The following SUN3 variants were observed in gnomAD, a reference collection of about 807,000 sequenced individuals.
SUN3 encodes Sad1 and UNC84 domain containing 3.
In SUN3, 36 loss-of-function variants were observed where a neutral mutation model predicts 48.2. That is an observed-to-expected ratio of 0.75 (90% CI 0.57 to 0.99). SUN3 has a LOEUF of 0.99. SUN3 is among the 50% of genes least tolerant of loss of function. SUN3 has a pLI of 0.00. For synonymous variants in SUN3, 148 were observed against 147.9 expected, an observed-to-expected ratio of 1.00 and a Z score of 0.00; for missense variants, 419 against 433.1, an observed-to-expected ratio of 0.97 and a Z score of 0.29.
chr7:48,022,990 C>A (rs1243399342), intron 2 of SUN3, among the ~76,000 whole-genome samples: 1 of 151,928 alleles, frequency 6.6e-6, no homozygotes, highest in Non-Finnish European at 1.5e-5. Flanking sequence ...CTAGACCAGC[C>A]CTTCAGGAAG....
chr7:48,017,246 C>T lies in SUN3; in HGVS notation c.288+16G>A. On this transcript the variant is annotated intron_variant, in intron 3 of 9. Transcript: ENST00000297325. ...TTTAAATGAGTGATATACAAAATTA[C>T]TTAACAAAATATCACCTGATATTTA... is the stretch of plus-strand genomic sequence containing the variant. 7.1e-7 allele frequency: 1 copy of T among 1,417,590 alleles called. No individual in the cohort carries two copies. Among genetic ancestry groups the T allele is most frequent in the Non-Finnish European group, 9.8e-7 (1 of 1,017,728 alleles). 87.8% of individuals were successfully genotyped at this position (1,417,590 alleles called of 1,614,324 possible). A position where few individuals can be genotyped will look rare whatever the true frequency, so the allele number is the denominator to read the frequency against.
At chr7:48,008,938 A>T in intron 4 of SUN3, 97 bp downstream of exon 4, 1 of 1,125,814 alleles carries the variant, frequency 8.9e-7, no homozygotes, top group Non-Finnish European at 1.3e-6. Context: ...GAGTTATTTC[A>T]GGGAGTAACT....
At chr7:47,995,252 G>C (rs554852718) in intron 7 of SUN3, among the ~76,000 whole-genome samples, 10 of 151,280 alleles carry the variant, frequency 6.6e-5, no homozygotes, top group Admixed American at 2.0e-4. Context: ...GGTGGTGGCA[G>C]TGATGGTGGC....
upstream of SUN3, among the ~76,000 whole-genome samples, chr7:48,031,832 GCACACACACACACACA>G (rs3073706): frequency 3.5e-5 from 5 of 142,270 alleles, no homozygotes; most frequent in Admixed American, 2.1e-4. Context: ...TGTGATTTAT[GCACACACACACACACA>G]CACACACACA....
At chr7:48,001,324 T>C (rs1300794984) in intron 6 of SUN3, among the ~76,000 whole-genome samples, 2 of 152,156 alleles carry the variant, frequency 1.3e-5, no homozygotes, top group South Asian at 4.1e-4. Context: ...CACTTATAAG[T>C]GAGAACATGT....
At chr7:47,990,591 C>G (rs1789029916) in intron 8 of SUN3, among the ~76,000 whole-genome samples, 1 of 152,128 alleles carries the variant, frequency 6.6e-6, no homozygotes, top group Non-Finnish European at 1.5e-5. Flanking sequence ...TCTCTCGTTC[C>G]ACCTGACGAG....
At chr7:48,006,538 C>G (rs748812423) in intron 5 of SUN3, among the ~76,000 whole-genome samples, 13 of 151,976 alleles carry the variant, frequency 8.6e-5, no homozygotes, top group Non-Finnish European at 1.5e-4. Context: ...GAAGGCTGCT[C>G]TCATTCTAAA....
chr7:48,022,282 C>T (rs1221191032), intron 2 of SUN3, among the ~76,000 whole-genome samples: 2 of 151,616 alleles, frequency 1.3e-5, no homozygotes, highest in East Asian at 1.9e-4. Context: ...AGGGTAGTGT[C>T]GAAGATGGAG....
At chr7:48,029,181 AG>A (rs1790220103), upstream of SUN3, 1 of 476,958 alleles carries the variant, frequency 2.1e-6, no homozygotes, top group Admixed American at 3.6e-5. Context: ...GGGCATGGAC[AG>A]GCAACCACCT....
chr7:48,015,762 G>A (rs994451162), intron 3 of SUN3, among the ~76,000 whole-genome samples: 2 of 152,150 alleles, frequency 1.3e-5, no homozygotes, highest in African/African-American at 4.8e-5. Context: ...AAGTATGACG[G>A]TGAAAGAGAC....
At chr7:48,011,661 A>G (rs1213350165) in intron 3 of SUN3, among the ~76,000 whole-genome samples, 2 of 152,238 alleles carry the variant, frequency 1.3e-5, no homozygotes, top group African/African-American at 4.8e-5. Flanking sequence ...CTGATAAATG[A>G]ACTTGAGAGT....
chr7:48,035,890 G>A, the SUN3 span, among the ~76,000 whole-genome samples: 1 of 151,646 alleles, frequency 6.6e-6, no homozygotes, highest in African/African-American at 2.4e-5. This position sits in a 1 kb window ranked among gnomAD's most constrained non-coding sequence, Gnocchi z 4.0. Flanking sequence ...CCGGCGTGAC[G>A]TGCCCCCTCT....
intron 2 of SUN3, among the ~76,000 whole-genome samples, chr7:48,024,843 C>T (rs1198040392): frequency 6.6e-6 from 1 of 152,070 alleles, no homozygotes; most frequent in African/African-American, 2.4e-5. Context: ...AAGGATGGAA[C>T]CAAGTGATTC....
At chr7:48,035,260 C>T in the SUN3 span, among the ~76,000 whole-genome samples, 64 of 152,112 alleles carry the variant, frequency 4.2e-4, 2 homozygotes, top group Non-Finnish European at 5.9e-5. This position sits in a 1 kb window ranked among gnomAD's most constrained non-coding sequence, Gnocchi z 4.0. Flanking sequence ...TCCCCACGTC[C>T]CCACGCCCCC....
chr7:47,993,376 A>C (rs1268594831), intron 8 of SUN3, among the ~76,000 whole-genome samples: 2 of 152,232 alleles, frequency 1.3e-5, no homozygotes, highest in Admixed American at 1.3e-4. Context: ...GAAGCATTAT[A>C]CATAATGACC....
chr7:48,000,867 G>GTT (rs1315314140), intron 6 of SUN3, among the ~76,000 whole-genome samples: 1 of 100,264 alleles, frequency 1.0e-5, no homozygotes, highest in African/African-American at 4.2e-5. Context: ...GTAAATTTAT[G>GTT]GTTTTTTTTT....
intron 6 of SUN3, among the ~76,000 whole-genome samples, chr7:47,999,694 G>T (rs893738081): frequency 3.3e-5 from 5 of 152,072 alleles, no homozygotes; most frequent in African/African-American, 1.2e-4. Context: ...GCGCCACCGC[G>T]CCTGGCTGTT....
intron 3 of SUN3, among the ~76,000 whole-genome samples, chr7:48,009,408 G>C (rs1789620939): frequency 6.6e-6 from 1 of 152,148 alleles, no homozygotes; most frequent in Admixed American, 6.5e-5. Context: ...AAAATAGAGG[G>C]AAGAGGAAGA....
At position 47,996,077 on chromosome 7, in the gene SUN3, C is replaced by G; in HGVS notation, c.647G>C (p.Gly216Ala). 2.5e-6 allele frequency: 4 copies of G among 1,594,728 alleles called. No homozygotes were observed. The highest frequency in any genetic ancestry group is 3.4e-6 in the Non-Finnish European group (4 of 1,173,426). The change falls in exon 7 of 10, where the codon GGG becomes GCG. Residue 216 changes from glycine (G) to alanine (A), a missense_variant. Transcript: ENST00000297325. The stretch of plus-strand genomic sequence containing the variant: ...CATTTCATGATTTAGGAAACCTATC[C>G]CATGCCAGTACAATTTTGCTTTATT... The part of the protein sequence containing the change: ...KNNKAKLYWH[G>A]IGFLNHEMPP...
Sources: allele counts gnomAD v4.1 joint callset (sites outside exome capture counted in the v4.1 genomes callset), GRCh38; gene constraint gnomAD v4.1.1; non-coding constraint Gnocchi (gnomAD v3.1); transcripts MANE v1.5; gene names NCBI Gene and HGNC (gene_info 2026-07-23, HGNC 2026-07-21).